The following ROBO2 variants were observed in gnomAD, a reference collection of about 807,000 sequenced individuals.
ROBO2 encodes the protein roundabout guidance receptor 2, also known as roundabout homolog 2.
Under a neutral mutation model 160.8 loss-of-function variants are expected in ROBO2, and 53 were observed. That is an observed-to-expected ratio of 0.33 (90% CI 0.26 to 0.41). The LOEUF is 0.41. Ranked by LOEUF, ROBO2 falls within the 10% of genes least tolerant of loss-of-function variation. ROBO2 has a pLI of 1.00. For missense variants in ROBO2, 1,577 were observed against 1,722.4 expected (o/e 0.92, Z 1.49); for synonymous variants, 664 against 611.7 (o/e 1.09, Z -1.26).
chr3:76,413,682 T>C (rs2075610829), intron 2 of ROBO2, among the ~76,000 whole-genome samples: 1 of 152,176 alleles, frequency 6.6e-6, no homozygotes, highest in Non-Finnish European at 1.5e-5. Flanking sequence ...CTGGACCTTA[T>C]TGTCCATATC....
intron 2 of ROBO2, among the ~76,000 whole-genome samples, chr3:75,975,300 G>A (rs577596480): frequency 1.3e-5 from 2 of 151,322 alleles, no homozygotes; most frequent in East Asian, 3.9e-4. Flanking sequence ...AGGTACTTTT[G>A]CAAGGCCAAA....
intron 2 of ROBO2, among the ~76,000 whole-genome samples, chr3:77,256,211 T>G (rs539651569): frequency 6.6e-6 from 1 of 152,202 alleles, no homozygotes; most frequent in Non-Finnish European, 1.5e-5. Flanking sequence ...TTACAGCACA[T>G]GACAATAGAT....
chr3:77,006,777 C>A (rs1484980342), intron 2 of ROBO2, among the ~76,000 whole-genome samples: 1 of 151,774 alleles, frequency 6.6e-6, no homozygotes, highest in Non-Finnish European at 1.5e-5. Flanking sequence ...TATCATAAAA[C>A]TGCTATAATG....
chr3:77,414,044 C>A (rs1476776077), intron 2 of ROBO2, among the ~76,000 whole-genome samples: 1 of 151,404 alleles, frequency 6.6e-6, no homozygotes, highest in African/African-American at 2.4e-5. Flanking sequence ...TGGATCAGTT[C>A]ATTTTTAAAG....
At chr3:77,486,033 T>C (rs11712241) in intron 4 of ROBO2, among the ~76,000 whole-genome samples, 2 of 152,176 alleles carry the variant, frequency 1.3e-5, no homozygotes, top group African/African-American at 2.4e-5. Context: ...CACGCAGTGT[T>C]TGGTTTTCTG....
chr3:75,929,310 A>G (rs1947431343), intron 1 of ROBO2, among the ~76,000 whole-genome samples: 1 of 152,096 alleles, frequency 6.6e-6, no homozygotes, highest in Admixed American at 6.6e-5. Context: ...AATTGTGAAG[A>G]AAGGTGCTGT....
At chr3:76,704,355 A>G (rs1420966167) in intron 2 of ROBO2, among the ~76,000 whole-genome samples, 1 of 151,978 alleles carries the variant, frequency 6.6e-6, no homozygotes, top group Non-Finnish European at 1.5e-5. Context: ...TTGTTTCTTT[A>G]CTGCATTTTG....
chr3:76,473,931 T>G (rs558623973), intron 2 of ROBO2, among the ~76,000 whole-genome samples: 1 of 152,262 alleles, frequency 6.6e-6, no homozygotes, highest in South Asian at 2.1e-4. Context: ...AGATTATTAT[T>G]TTTCCAGACC....
chr3:76,293,170 G>A (rs903757897), intron 2 of ROBO2, among the ~76,000 whole-genome samples: 6 of 152,086 alleles, frequency 3.9e-5, no homozygotes, highest in African/African-American at 9.7e-5. Flanking sequence ...AATAACATTC[G>A]AACTAGAATA....
intron 2 of ROBO2, among the ~76,000 whole-genome samples, chr3:76,378,071 T>C (rs2108528605): frequency 6.6e-6 from 1 of 152,270 alleles, no homozygotes; most frequent in African/African-American, 2.4e-5. Context: ...CAGCTTGCAG[T>C]ATAATATGAG....
intron 2 of ROBO2, among the ~76,000 whole-genome samples, chr3:76,278,074 A>G (rs113261676): frequency 2.0e-4 from 31 of 152,054 alleles, no homozygotes; most frequent in East Asian, 5.8e-4. Flanking sequence ...GTGAAATGCA[A>G]TATTGTCAGG....
chr3:76,290,663 T>C (rs955798295), intron 2 of ROBO2, among the ~76,000 whole-genome samples: 5 of 152,282 alleles, frequency 3.3e-5, no homozygotes, highest in East Asian at 3.9e-4. Context: ...GGGTCTGTCA[T>C]AGATTGCTCT....
chr3:77,440,729 T>C (rs1190005459), intron 2 of ROBO2, among the ~76,000 whole-genome samples: 3 of 152,228 alleles, frequency 2.0e-5, no homozygotes, highest in Non-Finnish European at 4.4e-5. Context: ...TATTCATTCT[T>C]ACTGGGAAAG....
intron 2 of ROBO2, among the ~76,000 whole-genome samples, chr3:76,094,612 A>G (rs188270469): frequency 8.5e-5 from 13 of 152,344 alleles, no homozygotes; most frequent in Middle Eastern, 3.4e-3. Context: ...ATGATTGACT[A>G]TAGTAACCCC....
At chr3:77,502,713 A>G (rs1423385474) in intron 5 of ROBO2, among the ~76,000 whole-genome samples, 1 of 152,196 alleles carries the variant, frequency 6.6e-6, no homozygotes, top group Non-Finnish European at 1.5e-5. Context: ...ACAGTATTAC[A>G]ATGATTTACG....
chr3:77,354,334 T>G (rs1426665073), intron 2 of ROBO2, among the ~76,000 whole-genome samples: 1 of 152,206 alleles, frequency 6.6e-6, no homozygotes, highest in Non-Finnish European at 1.5e-5. Flanking sequence ...ATTGCAGAAT[T>G]TTTTCTCCTG....
chr3:75,911,375 G>A (rs1409184796), intron 1 of ROBO2, among the ~76,000 whole-genome samples: 3 of 152,062 alleles, frequency 2.0e-5, no homozygotes, highest in African/African-American at 7.2e-5. Context: ...TGCTTCTTGT[G>A]TAAAATGGGG....
chr3:77,539,011 G>T, intron 6 of ROBO2: 2 of 377,522 alleles, frequency 5.3e-6, no homozygotes, highest in South Asian at 3.9e-5. Context: ...TCCGCCTCCC[G>T]GGTTCAAGCA....
At chr3:76,896,455 A>T (rs1057360851) in intron 2 of ROBO2, among the ~76,000 whole-genome samples, 1 of 152,190 alleles carries the variant, frequency 6.6e-6, no homozygotes, top group African/African-American at 2.4e-5. Flanking sequence ...TGCAAAGAAT[A>T]TACAAATATT....
Sources: allele counts gnomAD v4.1 joint callset (sites outside exome capture counted in the v4.1 genomes callset), GRCh38; gene constraint gnomAD v4.1.1; transcripts MANE v1.5; gene names NCBI Gene and HGNC (gene_info 2026-07-23, HGNC 2026-07-21).